DDR2: variants seen among roughly 807,000 people sequenced by gnomAD.
DDR2 encodes discoidin domain receptor tyrosine kinase 2.
A neutral mutation model predicts 94.9 loss-of-function variants in DDR2; 27 were observed. The ratio of observed to expected loss-of-function variants is 0.28; its 90% CI spans 0.21 to 0.39. The LOEUF (loss-of-function observed/expected upper bound fraction) is 0.39. Among genes scored for constraint, DDR2 ranks in the 10% least tolerant of loss-of-function variants. The probability of loss-of-function intolerance (pLI) is 1.00; values close to 1 mark genes in which losing one functional copy is unlikely to be tolerated. For missense variants in DDR2, 783 were observed against 1,076.0 expected (o/e 0.73, Z 3.81); for synonymous variants, 382 against 377.2 (o/e 1.01, Z -0.15).
Position 162,780,186 on chromosome 1 carries a change from G to A in DDR2, c.2508G>A (p.Thr836=), listed in dbSNP as rs764563713. The A allele has an allele frequency of 9.4e-5, 152 of 1,613,778 alleles. No individual in the cohort carries two copies. Among genetic ancestry groups the A allele is most frequent in the Non-Finnish European group, 9.1e-5 (107 of 1,179,942 alleles). The change falls in exon 18 of 18, where the codon ACG becomes ACA. Residue 836 remains threonine, a synonymous_variant. Coordinates refer to ENST00000367921, the MANE Select transcript of DDR2 (RefSeq NM_006182.4). ...TGCTCAGCTGCTGGAGAAGAGATAC[G>A]AAGAACCGTCCCTCATTCCAAGAAA... is the stretch of plus-strand genomic sequence containing the variant. ...KLMLSCWRRD[T]KNRPSFQEIH...
chr1:162,696,272 G>A (rs949359043), intron 2 of DDR2, among the ~76,000 whole-genome samples: 1 of 150,296 alleles, frequency 6.7e-6, no homozygotes, highest in Non-Finnish European at 1.5e-5. Flanking sequence ...GTTCATAAAA[G>A]GATCGTCTCT....
In DDR2 at chr1:162,776,019, G is replaced by C. The variant is rs115796570; in HGVS notation, c.2049-117G>C. On this transcript the variant is annotated intron_variant, in intron 15 of 17. Coordinates refer to ENST00000367921, the MANE Select transcript of DDR2 (RefSeq NM_006182.4). ...GGGAAACGCAAGGGATTCATCAAGA[G>C]TAGAGAAAGAATGTTGAGCTTTCAA... 5.9e-4 allele frequency: 763 copies of C among 1,300,706 alleles called. 8 individuals are homozygous for C. In the African/African-American group the frequency reaches 9.7e-3, roughly 17 times the overall value. The allele number at this position is 1,300,706 out of a possible 1,614,324, so 80.6% of individuals were successfully genotyped here.
intron 1 of DDR2, among the ~76,000 whole-genome samples, chr1:162,634,215 T>C (rs1372929014): frequency 6.6e-6 from 1 of 152,236 alleles, no homozygotes; most frequent in Non-Finnish European, 1.5e-5. Context: ...GGTTGATTTC[T>C]GGGTCTTTGG....
At chr1:162,769,827 T>A (rs908133404) in intron 11 of DDR2, among the ~76,000 whole-genome samples, 3 of 152,214 alleles carry the variant, frequency 2.0e-5, no homozygotes, top group Non-Finnish European at 4.4e-5. Context: ...TGGTGGGTAT[T>A]ATCCTAATCT....
intron 3 of DDR2, among the ~76,000 whole-genome samples, chr1:162,748,456 CTAAA>C (rs1663002792): frequency 1.3e-5 from 2 of 152,176 alleles, no homozygotes; most frequent in South Asian, 2.1e-4. Flanking sequence ...GCTAACTATC[CTAAA>C]TATATATGCA....
intron 3 of DDR2, chr1:162,741,500 A>G: frequency 1.3e-6 from 1 of 762,512 alleles, no homozygotes; most frequent in Non-Finnish European, 1.6e-6. Flanking sequence ...TCTGCCAACT[A>G]CATAGGGTTA....
chr1:162,733,073 A>C (rs552379564), intron 3 of DDR2, among the ~76,000 whole-genome samples: 1 of 152,320 alleles, frequency 6.6e-6, no homozygotes, highest in South Asian at 2.1e-4. Context: ...AGCATCAGAA[A>C]ACCGCTAAGA....
intron 3 of DDR2, among the ~76,000 whole-genome samples, chr1:162,729,296 ATATATTTTTT>A (rs1429637892): frequency 9.1e-5 from 3 of 33,054 alleles, no homozygotes; most frequent in Non-Finnish European, 1.8e-4. Flanking sequence ...ATATATATAT[ATATATTTTTT>A]TTTTTTTTTT....
At chr1:162,652,581 C>T (rs1207200001) in intron 1 of DDR2, among the ~76,000 whole-genome samples, 1 of 152,156 alleles carries the variant, frequency 6.6e-6, no homozygotes, top group African/African-American at 2.4e-5. Context: ...CGATCAGCCC[C>T]ACAGCTCATT....
intron 1 of DDR2, 84 bp downstream of exon 1, chr1:162,632,715 GAA>G (rs1656616573): frequency 6.6e-6 from 1 of 152,038 alleles, no homozygotes; most frequent in Non-Finnish European, 1.5e-5. Flanking sequence ...GGTGTTTCAG[GAA>G]AAGTTTTAAA....
intron 12 of DDR2, among the ~76,000 whole-genome samples, chr1:162,771,053 T>C (rs954044766): frequency 2.6e-5 from 4 of 152,250 alleles, no homozygotes; most frequent in African/African-American, 9.6e-5. Flanking sequence ...TAGAGTAATA[T>C]GAGATTTTAT....
At chr1:162,689,852 A>AAAAAAAAAAAC (rs1659883732) in intron 2 of DDR2, among the ~76,000 whole-genome samples, 1 of 137,918 alleles carries the variant, frequency 7.3e-6, no homozygotes, top group Non-Finnish European at 1.6e-5. Context: ...TAAAAAAAAA[A>AAAAAAAAAAAC]AAAAAAAAAA....
chr1:162,728,034 T>TCTATATATATATAGATATAATCACA (rs1661796584), intron 3 of DDR2, among the ~76,000 whole-genome samples: 2 of 138,152 alleles, frequency 1.4e-5, no homozygotes, highest in African/African-American at 5.5e-5. Context: ...ACTATATATA[T>TCTATATATATATAGATATAATCACA]CTATATATAT....
rs1191658549 is a variant in DDR2 at position 162,761,195 on chromosome 1, C to A, written c.856-16C>A. On this transcript the variant is annotated splice_polypyrimidine_tract_variant and intron_variant, in intron 8 of 17. Coordinates refer to ENST00000367921, the MANE Select transcript of DDR2 (RefSeq NM_006182.4). ...GCAGGGCCAACCTATCACTCACATG[C>A]CTCTTTCTCTACCAGGTCCACTGCA... 2.3e-5 allele frequency: 37 copies of A among 1,613,820 alleles called. No individual in the cohort carries two copies. The highest frequency in any genetic ancestry group is 3.0e-5 in the Non-Finnish European group (35 of 1,179,998).
intron 2 of DDR2, among the ~76,000 whole-genome samples, chr1:162,699,814 A>G (rs932208445): frequency 3.3e-5 from 5 of 152,262 alleles, no homozygotes; most frequent in African/African-American, 1.2e-4. Flanking sequence ...ATATAAAAAT[A>G]AGATGCAAAG....
intron 3 of DDR2, among the ~76,000 whole-genome samples, chr1:162,720,680 C>A (rs946053350): frequency 1.3e-5 from 2 of 152,104 alleles, no homozygotes; most frequent in African/African-American, 4.8e-5. Context: ...AGAAGTGGAA[C>A]TTCATATGTG....
chr1:162,746,848 C>T (rs913115172), intron 3 of DDR2, among the ~76,000 whole-genome samples: 1 of 152,268 alleles, frequency 6.6e-6, no homozygotes, highest in East Asian at 1.9e-4. Flanking sequence ...GTTCTGCAGC[C>T]TGCACTGGTG....
chr1:162,715,449 G>A (rs1006629315), intron 2 of DDR2, among the ~76,000 whole-genome samples: 6 of 152,156 alleles, frequency 3.9e-5, no homozygotes, highest in African/African-American at 1.4e-4. Flanking sequence ...ACTTCTTGGC[G>A]GAGGTCCTTA....
In DDR2 at chr1:162,773,456, G is replaced by A. The variant is rs1647346457; in HGVS notation, c.1729-13G>A. 1.9e-6 allele frequency: 3 copies of A among 1,613,110 alleles called. No individual in the cohort carries two copies. Among genetic ancestry groups the A allele is most frequent in the East Asian group, 4.5e-5 (2 of 44,840 alleles). On this transcript the variant is annotated splice_polypyrimidine_tract_variant and intron_variant, in intron 13 of 17. Coordinates refer to ENST00000367921, the MANE Select transcript of DDR2 (RefSeq NM_006182.4). ...AGAAATGATGATGCTGAGACTAGAT[G>A]ACTTTTGTCTAGGTTCATCTCTGTG...
Sources: allele counts gnomAD v4.1 joint callset (sites outside exome capture counted in the v4.1 genomes callset), GRCh38; gene constraint gnomAD v4.1.1; transcripts MANE v1.5; gene names NCBI Gene and HGNC (gene_info 2026-07-23, HGNC 2026-07-21).